The following ZBTB20 variants were observed in gnomAD, a reference collection of about 807,000 sequenced individuals.
ZBTB20 encodes zinc finger and BTB domain-containing protein 20.
Under a neutral mutation model 56.9 loss-of-function variants are expected in ZBTB20, and 9 were observed. The observed-to-expected ratio is 0.16, with a 90% CI of 0.10 to 0.28. The LOEUF is 0.28. Ranked by LOEUF, ZBTB20 falls within the 10% of genes least tolerant of loss-of-function variation. The pLI, the probability that ZBTB20 is intolerant of heterozygous loss-of-function variation, is 1.00. For missense variants in ZBTB20, 655 were observed against 1,003.0 expected (o/e 0.65, Z 4.69); for synonymous variants, 417 against 420.7 (o/e 0.99, Z 0.11).
chr3:114,550,061 C>T (rs1307465122), intron 6 of ZBTB20, among the ~76,000 whole-genome samples: 3 of 152,132 alleles, frequency 2.0e-5, no homozygotes, highest in Admixed American at 2.0e-4. Flanking sequence ...CCTCAGCCTC[C>T]TGAGCAGCTG....
At chr3:114,516,617 G>A (rs964950298) in intron 6 of ZBTB20, among the ~76,000 whole-genome samples, 1 of 152,130 alleles carries the variant, frequency 6.6e-6, no homozygotes, top group Admixed American at 6.6e-5. Flanking sequence ...TGTGTGAATA[G>A]GGTCATTGAA....
chr3:114,413,037 T>C (rs1371629093), intron 7 of ZBTB20, among the ~76,000 whole-genome samples: 1 of 152,070 alleles, frequency 6.6e-6, no homozygotes, highest in Non-Finnish European at 1.5e-5. Context: ...GAGAGTTAAA[T>C]TACGATCAGC....
intron 4 of ZBTB20, among the ~76,000 whole-genome samples, chr3:114,844,440 G>A (rs923495667): frequency 2.4e-4 from 29 of 122,260 alleles, no homozygotes; most frequent in African/African-American, 9.6e-4. Flanking sequence ...AGGATCACTT[G>A]AGCCCAGGAG....
At chr3:114,823,321 A>C (rs1466042202) in intron 4 of ZBTB20, among the ~76,000 whole-genome samples, 1 of 152,108 alleles carries the variant, frequency 6.6e-6, no homozygotes, top group Non-Finnish European at 1.5e-5. Flanking sequence ...ATTTTGGCTA[A>C]GAATACCTGG....
In ZBTB20 at chr3:114,380,879, C is replaced by A; in HGVS notation, c.-92G>T. 1 of 1,202,690 alleles carries A rather than the reference C, an allele frequency of 8.3e-7. No individual in the cohort carries two copies. The highest frequency in any genetic ancestry group is 1.1e-6 in the Non-Finnish European group (1 of 911,308). 74.5% of individuals were successfully genotyped at this position (1,202,690 alleles called of 1,614,324 possible). ...ACTTGAGCTACCGTACTAGCTGTGCCTCTAACTTGCTGTGTGGCCTTGGGC... is the reference window on the plus strand; with the variant it reads ...ACTTGAGCTACCGTACTAGCTGTGCATCTAACTTGCTGTGTGGCCTTGGGC... On this transcript the variant is annotated 5_prime_UTR_variant, in exon 9 of 12. The change creates a new upstream start codon in the 5' untranslated region. Transcript: ENST00000675478.
At chr3:114,897,028 T>C (rs976664742) in intron 4 of ZBTB20, among the ~76,000 whole-genome samples, 2 of 152,126 alleles carry the variant, frequency 1.3e-5, no homozygotes, top group East Asian at 1.9e-4. Context: ...CTGGTAGTGA[T>C]AGAAATGACA....
At chr3:114,376,136 GCTATAATAGT>G (rs1330954721) in intron 10 of ZBTB20, among the ~76,000 whole-genome samples, 1 of 152,188 alleles carries the variant, frequency 6.6e-6, no homozygotes. Flanking sequence ...CACATGTAGA[GCTATAATAGT>G]CTTCCGTTCC....
chr3:114,539,202 C>T (rs1200657233), intron 6 of ZBTB20, among the ~76,000 whole-genome samples: 1 of 152,044 alleles, frequency 6.6e-6, no homozygotes, highest in Non-Finnish European at 1.5e-5. Context: ...AATTATTCTG[C>T]TAGTTGGTGG....
chr3:114,606,263 G>A (rs2057143635), intron 6 of ZBTB20, among the ~76,000 whole-genome samples: 1 of 152,084 alleles, frequency 6.6e-6, no homozygotes, highest in African/African-American at 2.4e-5. Flanking sequence ...GATTAGTGTT[G>A]TTTAACATCA....
At chr3:114,681,282 C>T (rs775346152) in intron 6 of ZBTB20, among the ~76,000 whole-genome samples, 1 of 151,952 alleles carries the variant, frequency 6.6e-6, no homozygotes, top group Non-Finnish European at 1.5e-5. Flanking sequence ...GCCTTAGCCT[C>T]CAAAGTAGCT....
At chr3:114,875,154 A>G (rs979559445) in intron 4 of ZBTB20, among the ~76,000 whole-genome samples, 27 of 152,100 alleles carry the variant, frequency 1.8e-4, no homozygotes, top group African/African-American at 4.8e-4. Context: ...GTGTGCTTCA[A>G]GAAGAACTGA....
chr3:115,031,702 G>A (rs2080687351), intron 2 of ZBTB20, among the ~76,000 whole-genome samples: 1 of 151,418 alleles, frequency 6.6e-6, no homozygotes, highest in Non-Finnish European at 1.5e-5. Context: ...GCTACACACA[G>A]AAATTGACAC....
At chr3:114,414,012 T>C (rs560995152) in intron 7 of ZBTB20, among the ~76,000 whole-genome samples, 2 of 143,896 alleles carry the variant, frequency 1.4e-5, no homozygotes, top group Non-Finnish European at 3.2e-5. Flanking sequence ...ATCTAAACTG[T>C]GTGTGCAGTA....
chr3:114,785,198 T>A (rs749002274), intron 5 of ZBTB20, among the ~76,000 whole-genome samples: 1 of 152,172 alleles, frequency 6.6e-6, no homozygotes, highest in Non-Finnish European at 1.5e-5. Context: ...TGACAAACCT[T>A]TTCCAAAAAG....
intron 2 of ZBTB20, among the ~76,000 whole-genome samples, chr3:114,988,562 C>A (rs746487140): frequency 1.3e-5 from 2 of 152,040 alleles, no homozygotes; most frequent in Non-Finnish European, 2.9e-5. Context: ...AATAAGCATA[C>A]GTGTGCATGT....
At position 114,363,028 on chromosome 3, in the gene ZBTB20, A is replaced by C. The variant is rs143071294; in HGVS notation, c.200-11150T>G. 4.0e-3 allele frequency among the ~76,000 whole-genome samples: 607 copies of C among 152,310 alleles called. 3 individuals are homozygous for C. The highest frequency in any genetic ancestry group is 0.014 in the African/African-American group (582 of 41,572). On this transcript the variant is annotated intron_variant, in intron 10 of 11. Coordinates refer to ENST00000675478, the MANE Select transcript of ZBTB20 (RefSeq NM_001348800.3). The stretch of plus-strand genomic sequence containing the variant: ...AAAGTAAATATGCAATATTTAGTGA[A>C]GGTCACTGGAGAGAATAAAAGACAC...
intron 1 of ZBTB20, among the ~76,000 whole-genome samples, chr3:115,123,607 G>A (rs2084242844): frequency 6.6e-6 from 1 of 152,128 alleles, no homozygotes; most frequent in Admixed American, 6.6e-5. Context: ...ATGACTGAGG[G>A]AAGTTCCTCC....
intron 2 of ZBTB20, among the ~76,000 whole-genome samples, chr3:115,026,740 C>T (rs1479771366): frequency 2.0e-5 from 3 of 150,274 alleles, no homozygotes; most frequent in Admixed American, 6.7e-5. Flanking sequence ...CTCTTTTTAC[C>T]AACAATTCTC....
intron 3 of ZBTB20, among the ~76,000 whole-genome samples, chr3:114,954,861 G>A (rs1169745507): frequency 1.3e-5 from 2 of 152,196 alleles, no homozygotes; most frequent in African/African-American, 4.8e-5. Context: ...ATGAAGCTAG[G>A]TAGATTCCAT....
Sources: gnomAD v4.1 joint callset for allele counts (sites outside exome capture counted in the v4.1 genomes callset) on GRCh38, gnomAD v4.1.1 for gene constraint, MANE v1.5 for transcripts, NCBI Gene and HGNC (gene_info 2026-07-23, HGNC 2026-07-21) for gene names.